Variants in ST3GAL3 observed in about 807,000 individuals in gnomAD.
ST3GAL3 encodes the protein CMP-N-acetylneuraminate-beta-1,4-galactoside alpha-2,3-sialyltransferase.
In ST3GAL3, 21 loss-of-function variants were observed where a neutral mutation model predicts 50.1. That is an observed-to-expected ratio of 0.42 (90% CI 0.30 to 0.60). The LOEUF (loss-of-function observed/expected upper bound fraction) is 0.60, where lower values mean the gene tolerates loss of function less well. Among genes scored for constraint, ST3GAL3 ranks in the 20% least tolerant of loss-of-function variants. The pLI, the probability that ST3GAL3 is intolerant of heterozygous loss-of-function variation, is 0.19. For missense variants in ST3GAL3, 353 were observed against 489.4 expected (o/e 0.72, Z 2.63); for synonymous variants, 183 against 190.0 (o/e 0.96, Z 0.30).
chr1:43,834,992 C>T (rs1249060442), intron 4 of ST3GAL3, among the ~76,000 whole-genome samples: 1 of 152,168 alleles, frequency 6.6e-6, no homozygotes, highest in Non-Finnish European at 1.5e-5. Context: ...GTGGAAGCGT[C>T]TGGTTCCTTC....
intron 4 of ST3GAL3, among the ~76,000 whole-genome samples, chr1:43,836,954 C>T (rs967312039): frequency 4.7e-5 from 4 of 85,120 alleles, no homozygotes; most frequent in Non-Finnish European, 9.3e-5. Context: ...AAATATGTAG[C>T]AGTCTCAGCC....
At chr1:43,869,087 G>A (rs1387954333) in intron 5 of ST3GAL3, among the ~76,000 whole-genome samples, 1 of 152,062 alleles carries the variant, frequency 6.6e-6, no homozygotes, top group Non-Finnish European at 1.5e-5. Flanking sequence ...CACTTTCCTG[G>A]GCTTGGTGGT....
intron 9 of ST3GAL3, among the ~76,000 whole-genome samples, chr1:43,917,639 T>C (rs1230496975): frequency 2.0e-4 from 15 of 74,378 alleles, no homozygotes; most frequent in African/African-American, 8.0e-4. Flanking sequence ...TAATATATAA[T>C]ATAATATATA....
chr1:43,804,839 C>G (rs1238950125), intron 3 of ST3GAL3, among the ~76,000 whole-genome samples: 1 of 152,086 alleles, frequency 6.6e-6, no homozygotes, highest in African/African-American at 2.4e-5. Context: ...AGAGGAAGCC[C>G]CTGCTGCTGC....
intron 5 of ST3GAL3, among the ~76,000 whole-genome samples, chr1:43,848,734 T>G (rs2066731267): frequency 6.6e-6 from 1 of 152,230 alleles, no homozygotes; most frequent in Non-Finnish European, 1.5e-5. Context: ...ACATATTTTC[T>G]CAAATATTTT....
At chr1:43,892,482 C>T (rs2076820876) in intron 5 of ST3GAL3, among the ~76,000 whole-genome samples, 1 of 152,126 alleles carries the variant, frequency 6.6e-6, no homozygotes, top group Non-Finnish European at 1.5e-5. Flanking sequence ...TCAAGGTATA[C>T]CATAAGGTTA....
intron 1 of ST3GAL3, among the ~76,000 whole-genome samples, chr1:43,710,015 C>CT (rs1165479029): frequency 1.3e-5 from 2 of 152,160 alleles, no homozygotes; most frequent in Middle Eastern, 3.4e-3. Context: ...TACTTTTCTT[C>CT]TTTTTTTCTC....
At chr1:43,869,404 C>T (rs1441647169) in intron 5 of ST3GAL3, among the ~76,000 whole-genome samples, 4 of 152,154 alleles carry the variant, frequency 2.6e-5, no homozygotes. Flanking sequence ...AAGGGCCCCT[C>T]CCTGTCACAG....
intron 5 of ST3GAL3, among the ~76,000 whole-genome samples, chr1:43,857,479 C>CCTTT (rs1461622959): frequency 1.3e-5 from 2 of 148,620 alleles, no homozygotes; most frequent in Admixed American, 6.7e-5. Context: ...CTCCTTCCTT[C>CCTTT]CTTCCTTCCT....
intron 1 of ST3GAL3, among the ~76,000 whole-genome samples, chr1:43,730,369 G>A (rs1464741162): frequency 6.6e-6 from 1 of 152,048 alleles, no homozygotes; most frequent in African/African-American, 2.4e-5. Context: ...GAGGGGTGGT[G>A]CCAGCCACTT....
chr1:43,896,017 G>A (rs1347755898), intron 6 of ST3GAL3, among the ~76,000 whole-genome samples: 3 of 152,220 alleles, frequency 2.0e-5, no homozygotes, highest in Non-Finnish European at 4.4e-5. Flanking sequence ...AATTGGAAGT[G>A]GGAAAAGGAG....
intron 5 of ST3GAL3, among the ~76,000 whole-genome samples, chr1:43,884,421 G>A (rs1188093111): frequency 6.6e-6 from 1 of 152,214 alleles, no homozygotes; most frequent in Non-Finnish European, 1.5e-5. Flanking sequence ...ATTTGACAGG[G>A]CATTTAGAAA....
At chr1:43,743,113 G>A (rs1452024743) in intron 2 of ST3GAL3, among the ~76,000 whole-genome samples, 6 of 150,452 alleles carry the variant, frequency 4.0e-5, no homozygotes, top group African/African-American at 1.5e-4. Flanking sequence ...AGACAATTGG[G>A]CAGGAAAAAA....
At chr1:43,862,199 A>G (rs920850367) in intron 5 of ST3GAL3, among the ~76,000 whole-genome samples, 21 of 152,128 alleles carry the variant, frequency 1.4e-4, no homozygotes, top group Admixed American at 1.2e-3. Context: ...AGCTGTCCAC[A>G]TGCATGTGCT....
rs147033353 is a variant in ST3GAL3, at chr1:43,824,006, C to T, written c.209+9073C>T. ...GTTTTATCCTATGTTTTAACTATAC[C>T]GAAAGCTTTGTAAGGGCAAGAACTA... On this transcript the variant is annotated intron_variant, in intron 4 of 11. Coordinates refer to ENST00000347631, the MANE Select transcript of ST3GAL3 (RefSeq NM_006279.5). 6.6e-5 allele frequency among the ~76,000 whole-genome samples: 10 copies of T among 152,064 alleles called. No individual in the cohort carries two copies. The East Asian group carries it at 1.9e-3, about 29-fold the overall frequency.
intron 5 of ST3GAL3, among the ~76,000 whole-genome samples, chr1:43,875,069 A>G (rs2073803235): frequency 6.6e-6 from 1 of 152,186 alleles, no homozygotes; most frequent in East Asian, 1.9e-4. Context: ...GTTTCCCCCA[A>G]ATGAGAAAGG....
intron 5 of ST3GAL3, among the ~76,000 whole-genome samples, chr1:43,872,645 G>A (rs1009672430): frequency 6.6e-6 from 1 of 152,122 alleles, no homozygotes; most frequent in African/African-American, 2.4e-5. Flanking sequence ...TACTTAGTGA[G>A]TACACTGCTC....
chr1:43,894,531 T>G, intron 6 of ST3GAL3, 54 bp downstream of exon 6: 1 of 1,520,256 alleles, frequency 6.6e-7, no homozygotes. Context: ...ACTGTCTCCC[T>G]GTCCTTCAGA....
chr1:43,784,518 A>G (rs773182690), intron 2 of ST3GAL3, among the ~76,000 whole-genome samples: 4 of 152,148 alleles, frequency 2.6e-5, no homozygotes, highest in Non-Finnish European at 5.9e-5. Flanking sequence ...CAAAATAAAT[A>G]AATAAGTAAG....
Sources: gnomAD v4.1 joint callset for allele counts (sites outside exome capture counted in the v4.1 genomes callset) on GRCh38, gnomAD v4.1.1 for gene constraint, MANE v1.5 for transcripts, NCBI Gene and HGNC (gene_info 2026-07-23, HGNC 2026-07-21) for gene names.